Variants in FOXN2 observed in about 807,000 individuals in gnomAD.
FOXN2 encodes the protein forkhead box N2, also known as forkhead box protein N2.
FOXN2 carries 19 observed loss-of-function variants against 41.2 expected under a neutral mutation model. The ratio of observed to expected loss-of-function variants is 0.46; its 90% confidence interval spans 0.32 to 0.68. FOXN2 has a LOEUF of 0.68. Among genes scored for constraint, FOXN2 ranks in the 30% least tolerant of loss-of-function variants. The pLI is 0.03. For missense variants in FOXN2, 587 were observed against 509.4 expected, an observed-to-expected ratio of 1.15 and a Z score of -1.47; for synonymous variants, 195 against 176.8, an observed-to-expected ratio of 1.10 and a Z score of -0.82.
intron 5 of FOXN2, among the ~76,000 whole-genome samples, chr2:48,365,652 T>A (rs185606927): frequency 2.6e-5 from 4 of 152,324 alleles, no homozygotes; most frequent in African/African-American, 9.6e-5. Flanking sequence ...TTATGCATCA[T>A]CTGTCTAGTG....
At chr2:48,362,729 G>T (rs892981638) in intron 5 of FOXN2, 22 bp downstream of exon 5, 9 of 1,586,276 alleles carry the variant, frequency 5.7e-6, no homozygotes, top group Non-Finnish European at 7.8e-6. Flanking sequence ...TATCAGTACA[G>T]TCATGCACCA....
intron 1 of FOXN2, among the ~76,000 whole-genome samples, chr2:48,316,159 G>A (rs1165656090): frequency 6.6e-6 from 1 of 152,074 alleles, no homozygotes; most frequent in Admixed American, 6.5e-5. Flanking sequence ...AACCATTCAT[G>A]CCTGTACCTG....
intron 4 of FOXN2, among the ~76,000 whole-genome samples, chr2:48,360,626 G>A (rs1672111158): frequency 6.6e-6 from 1 of 152,048 alleles, no homozygotes; most frequent in South Asian, 2.1e-4. Flanking sequence ...TTATCTTTAT[G>A]AAATGAAACC....
intron 2 of FOXN2, among the ~76,000 whole-genome samples, chr2:48,336,190 G>A (rs182297442): frequency 6.6e-4 from 100 of 152,074 alleles, no homozygotes; most frequent in African/African-American, 2.4e-3. Context: ...GATCACTTGA[G>A]GTCAGGAGTT....
At chr2:48,374,146 A>G (rs926684014) in intron 6 of FOXN2, among the ~76,000 whole-genome samples, 5 of 152,076 alleles carry the variant, frequency 3.3e-5, no homozygotes, top group African/African-American at 1.2e-4. Context: ...TGTTTTTTCC[A>G]TATATAACAA....
At chr2:48,334,722 A>C (rs1250833853) in intron 2 of FOXN2, among the ~76,000 whole-genome samples, 3 of 152,208 alleles carry the variant, frequency 2.0e-5, no homozygotes, top group Non-Finnish European at 4.4e-5. Context: ...AGGGATCAGG[A>C]AGCAAAGCCT....
intron 3 of FOXN2, among the ~76,000 whole-genome samples, chr2:48,356,461 A>C (rs1401218282): frequency 6.6e-6 from 1 of 152,102 alleles, no homozygotes; most frequent in Non-Finnish European, 1.5e-5. Context: ...GTTAATATCC[A>C]AGTCTTGTAT....
rs754545115 is a variant in FOXN2 at position 48,375,094 on chromosome 2, C to T, written c.947C>T (p.Ser316Phe). The T allele has an allele frequency of 2.2e-5, 35 of 1,614,038 alleles. No homozygotes were observed. The South Asian group carries it at 3.7e-4, about 17-fold the overall frequency. Reference protein sequence around the residue: ...ASSMAAQRCASRSSVSSLSSV... With the variant: ...ASSMAAQRCAFRSSVSSLSSV... ...AGCATGGCAGCACAGCGTTGTGCATCCAGGTCTAGCGTGTCTTCCCTGTCT... is the reference window on the plus strand; with the variant it reads ...AGCATGGCAGCACAGCGTTGTGCATTCAGGTCTAGCGTGTCTTCCCTGTCT... The change falls in exon 7 of 7, where the codon TCC (serine) becomes TTC (phenylalanine). Residue 316 changes from serine (S) to phenylalanine (F), a missense_variant. Transcript: ENST00000340553.
At chr2:48,351,092 C>T (rs1671417052) in intron 3 of FOXN2, among the ~76,000 whole-genome samples, 1 of 150,682 alleles carries the variant, frequency 6.6e-6, no homozygotes, top group East Asian at 2.0e-4. Flanking sequence ...TCCTGAGTAG[C>T]TGGGACTGTA....
intron 5 of FOXN2, among the ~76,000 whole-genome samples, chr2:48,367,678 G>A (rs747519235): frequency 5.9e-5 from 9 of 152,002 alleles, no homozygotes; most frequent in Non-Finnish European, 1.3e-4. Flanking sequence ...TTACACAAAT[G>A]GACTGAGAGT....
chr2:48,360,873 C>T (rs1672127770), intron 4 of FOXN2, among the ~76,000 whole-genome samples: 2 of 149,570 alleles, frequency 1.3e-5, no homozygotes, highest in Admixed American at 6.7e-5. Context: ...ATTAGCTGGG[C>T]ATGGGTAGTG....
chr2:48,354,609 A>C (rs568420329), intron 3 of FOXN2, among the ~76,000 whole-genome samples: 1 of 152,250 alleles, frequency 6.6e-6, no homozygotes, highest in African/African-American at 2.4e-5. Flanking sequence ...AAAAACAAAA[A>C]AAAGTGCTGT....
chr2:48,319,896 C>T (rs752697110), intron 1 of FOXN2, among the ~76,000 whole-genome samples: 13 of 148,034 alleles, frequency 8.8e-5, no homozygotes, highest in African/African-American at 2.2e-4. Flanking sequence ...CCTCCCAAAG[C>T]GCTGGGATTT....
upstream of FOXN2, chr2:48,314,540 C>G (rs1481966680): frequency 6.6e-6 from 1 of 152,170 alleles, no homozygotes; most frequent in African/African-American, 2.4e-5. Flanking sequence ...CCGGCCGAGC[C>G]CCCTTCCTCG....
chr2:48,349,272 G>A (rs1671303104), intron 3 of FOXN2, among the ~76,000 whole-genome samples: 1 of 152,090 alleles, frequency 6.6e-6, no homozygotes, highest in Non-Finnish European at 1.5e-5. Flanking sequence ...GATCGCTTGA[G>A]CCCAGGAGTT....
At chr2:48,358,776 A>G (rs1199796732) in intron 3 of FOXN2, among the ~76,000 whole-genome samples, 3 of 152,192 alleles carry the variant, frequency 2.0e-5, no homozygotes, top group Non-Finnish European at 1.5e-5. Flanking sequence ...AATTTTAAGA[A>G]AGAGTTTTTG....
chr2:48,325,641 A>C (rs1236347111), intron 1 of FOXN2, among the ~76,000 whole-genome samples: 1 of 152,192 alleles, frequency 6.6e-6, no homozygotes. Context: ...TAGAACCAAG[A>C]TTTGCCAGAC....
Position 48,346,340 on chromosome 2 carries a change from G to A in FOXN2, c.126G>A (p.Pro42=), listed in dbSNP as rs755184660. Residue 42 remains proline (P), a synonymous_variant, in exon 3 of 7, where the codon CCG becomes CCA. Coordinates refer to ENST00000340553, the MANE Select transcript of FOXN2 (RefSeq NM_002158.4). ...SLPEAVDAAR[P]KATLVDSESA... is the part of the protein sequence containing the mutation. ...CTGAAGCTGTTGATGCTGCCAGGCC[G>A]AAGGCCACTCTAGTGGACAGTGAGT... 9 of 1,614,068 alleles carry A rather than the reference G, an allele frequency of 5.6e-6. No homozygotes were observed. Among genetic ancestry groups the A allele is most frequent in the African/African-American group, 5.3e-5 (4 of 74,922 alleles).
At chr2:48,362,757 C>G (rs1672277766) in intron 5 of FOXN2, 50 bp downstream of exon 5, 2 of 1,450,720 alleles carry the variant, frequency 1.4e-6, no homozygotes, top group Non-Finnish European at 1.9e-6. Context: ...ATCTTTTGGT[C>G]AACAACAGGC....
Sources: gnomAD v4.1 joint callset for allele counts (sites outside exome capture counted in the v4.1 genomes callset) on GRCh38, gnomAD v4.1.1 for gene constraint, MANE v1.5 for transcripts, NCBI Gene and HGNC (gene_info 2026-07-23, HGNC 2026-07-21) for gene names.